XPC: variants seen among roughly 807,000 people sequenced by gnomAD.
The protein encoded by XPC is XPC complex subunit, DNA damage recognition and repair factor, also known as DNA repair protein complementing XP-C cells.
Under a neutral mutation model 95.8 loss-of-function variants are expected in XPC, and 76 were observed. The observed-to-expected ratio is 0.79, with a 90% confidence interval of 0.66 to 0.96. The LOEUF is 0.96. Among genes scored for constraint, XPC ranks in the 40% least tolerant of loss-of-function variants. The pLI is 0.00. For synonymous variants in XPC, 442 were observed against 442.1 expected, an observed-to-expected ratio of 1.00 and a Z score of 0.00; for missense variants, 1,146 against 1,179.8, an observed-to-expected ratio of 0.97 and a Z score of 0.42.
chr3:14,151,362 AG>A (rs1227663398), intron 11 of XPC: 1 of 152,316 alleles, frequency 6.6e-6, no homozygotes, highest in Admixed American at 6.5e-5. Context: ...TTTTTAATGT[AG>A]CTACTAAAAA....
chr3:14,158,679 C>T lies in XPC; in HGVS notation c.1204G>A (p.Asp402Asn). The change falls in exon 9 of 16, where the codon GAT (aspartate) becomes AAT (asparagine). Residue 402 changes from aspartate (D) to asparagine (N), a missense_variant. By Grantham distance (23) the Asp-to-Asn change is conservative (BLOSUM62 1). Coordinates refer to ENST00000285021, the MANE Select transcript of XPC (RefSeq NM_004628.5). This position sits in a 1 kb window ranked among gnomAD's most constrained non-coding sequence, Gnocchi z 5.2. ...TCCTGCTTGTCTCCTGGGCCCTCAT[C>T]TTCCTCGCTGGAGGAGGGCTTGCTC... ...KRSKPSSSEE[D>N]EGPGDKQEKA... 1.2e-6 allele frequency: 2 copies of T among 1,613,914 alleles called. No individual in the cohort carries two copies. The highest frequency in any genetic ancestry group is 3.3e-4 in the Middle Eastern group (2 of 6,062).
chr3:14,161,998 T>C (rs907078400), intron 7 of XPC, among the ~76,000 whole-genome samples: 6 of 152,148 alleles, frequency 3.9e-5, no homozygotes. Flanking sequence ...TGTGTTTCTA[T>C]ACATTTGCAA....
At chr3:14,156,908 C>T (rs1219280265) in intron 9 of XPC, among the ~76,000 whole-genome samples, 1 of 152,160 alleles carries the variant, frequency 6.6e-6, no homozygotes, top group African/African-American at 2.4e-5. Context: ...AGCAGCGGTT[C>T]TCACCCTGCG....
In XPC at chr3:14,156,187, T is replaced by G. The variant is rs985602616; in HGVS notation, c.2033+148A>C. On this transcript the variant is annotated intron_variant, in intron 10 of 15. Transcript: ENST00000285021. ...TTCAAATTTTCTTCTCTCCTACACA[T>G]CACACACACACAGCACACGCACACT... The G allele has an allele frequency of 1.0e-5, 10 of 962,736 alleles. No individual in the cohort carries two copies. The African/African-American group carries it at 1.7e-4, about 16-fold the overall frequency. The allele number at this position is 962,736 out of a possible 1,614,324, so 59.6% of individuals were successfully genotyped here.
chr3:14,145,533 C>T lies in XPC; in HGVS notation c.*408G>A, dbSNP rs1371996395. 2.9e-6 allele frequency: 2 copies of T among 700,168 alleles called. No homozygotes were observed. The highest frequency in any genetic ancestry group is 5.2e-6 in the Non-Finnish European group (2 of 384,724). The allele number at this position is 700,168 out of a possible 1,614,324, so 43.4% of individuals were successfully genotyped here. On this transcript the variant is annotated 3_prime_UTR_variant, in exon 16 of 16. Coordinates refer to ENST00000285021, the MANE Select transcript of XPC (RefSeq NM_004628.5). ...CTTGTCGGACAGATGAAGACTCTAACTGGAAGAAACGATCAGCGCATTCAC... is the reference window on the plus strand; with the variant it reads ...CTTGTCGGACAGATGAAGACTCTAATTGGAAGAAACGATCAGCGCATTCAC...
At chr3:14,147,797 A>T in intron 14 of XPC, 111 bp downstream of exon 14, 1 of 945,084 alleles carries the variant, frequency 1.1e-6, no homozygotes, top group Non-Finnish European at 1.6e-6. Context: ...GATGTCAGAG[A>T]GGGCTGGGAA....
intron 2 of XPC, among the ~76,000 whole-genome samples, chr3:14,171,831 C>CGGGGATGGGGA (rs1559383855): frequency 2.0e-5 from 3 of 151,950 alleles, no homozygotes; most frequent in African/African-American, 7.2e-5. Flanking sequence ...AAGGACGGGA[C>CGGGGATGGGGA]CGGGATGGGG....
At position 14,156,451 on chromosome 3, in the gene XPC, G is replaced by T; in HGVS notation, c.1917C>A (p.Gly639=). The T allele has an allele frequency of 1.2e-6, 2 of 1,614,014 alleles. No homozygotes were observed. The highest frequency in any genetic ancestry group is 1.7e-6 in the Non-Finnish European group (2 of 1,179,880). Residue 639 remains glycine (G), a synonymous_variant, in exon 10 of 16, where the codon GGC becomes GGA. Coordinates refer to ENST00000285021, the MANE Select transcript of XPC (RefSeq NM_004628.5). The part of the protein sequence containing the change: ...HMDQPLPTAI[G]LYKNHPLYAL... ...CATACAGAGGGTGGTTCTTATATAA[G>T]CCAATGGCAGTGGGCAAAGGCTGGT...
At chr3:14,166,943 T>G (rs1696403521) in intron 5 of XPC, among the ~76,000 whole-genome samples, 1 of 152,228 alleles carries the variant, frequency 6.6e-6, no homozygotes, top group African/African-American at 2.4e-5. Flanking sequence ...TAGCCTCTGC[T>G]GCATGCCAGG....
rs191857646 is a variant in XPC at position 14,173,192 on chromosome 3, C to A, written c.104-130G>T. On this transcript the variant is annotated intron_variant, in intron 1 of 15. Coordinates refer to ENST00000285021, the MANE Select transcript of XPC (RefSeq NM_004628.5). ...CCATCTCCATCACTGGTTCACCATC[C>A]CCTGTCTGGTCAGCAACCAGCTCTC... 16 of 880,542 alleles carry A rather than the reference C, an allele frequency of 1.8e-5. No homozygotes were observed. In the African/African-American group the frequency reaches 2.6e-4, roughly 14 times the overall value. The allele number at this position is 880,542 out of a possible 1,614,324, so 54.5% of individuals were successfully genotyped here.
At chr3:14,165,845 A>G in intron 5 of XPC, 1 of 427,804 alleles carries the variant, frequency 2.3e-6, no homozygotes, top group Non-Finnish European at 4.3e-6. Context: ...TTCAAAATAC[A>G]AACTGTTTTT....
At chr3:14,171,237 T>TGGTAC (rs1278776878) in intron 2 of XPC, among the ~76,000 whole-genome samples, 1 of 152,232 alleles carries the variant, frequency 6.6e-6, no homozygotes, top group East Asian at 1.9e-4. Context: ...CTTTGGCACT[T>TGGTAC]GGTACCAAGT....
rs1372181002 is a variant in XPC at position 14,148,897 on chromosome 3, G to T, written c.2167C>A (p.Gln723Lys). 6.2e-7 allele frequency: 1 copy of T among 1,614,006 alleles called. No individual in the cohort carries two copies. Among genetic ancestry groups the T allele is most frequent in the African/African-American group, 1.3e-5 (1 of 75,050 alleles). The change falls in exon 12 of 16, where the codon CAG becomes AAG. Residue 723 changes from glutamine (Q) to lysine (K), a missense_variant. Physicochemically the swap from Gln to Lys is moderately conservative, Grantham distance 53. Coordinates refer to ENST00000285021, the MANE Select transcript of XPC (RefSeq NM_004628.5). ...CCCAGGTCATTTTCTTCCCGCAGCT[G>T]GGGCTCAGCAAGTCGGGCTTTCCGA... ...RARKARLAEP[Q>K]LREENDLGLF...
In XPC at chr3:14,147,200, C is replaced by A. The variant is rs2733533; in HGVS notation, c.2604+90G>T. 0.45 allele frequency: 601,198 copies of A among 1,340,712 alleles called. 140,552 individuals carry two copies. Among genetic ancestry groups the A allele is most frequent in the Non-Finnish European group, 0.48 (463,399 of 965,988 alleles). 83.1% of individuals were successfully genotyped at this position (1,340,712 alleles called of 1,614,324 possible). A position where few individuals can be genotyped will look rare whatever the true frequency, so the allele number is the denominator to read the frequency against. ...ACACAAAGCTATCCCTGACTTGAGG[C>A]TGGGGCAGAATCTGGGCCAGGCCTT... On this transcript the variant is annotated intron_variant, in intron 15 of 15. Transcript: ENST00000285021.
chr3:14,162,853 T>C lies in XPC; in HGVS notation c.900+1960A>G, dbSNP rs1696216116. Reference sequence around the variant, plus strand: ...GCAACCTACAAAATGGGAGAAACCATGTGGAAAGCATGTATCTGATAGGTA... The same window carrying C: ...GCAACCTACAAAATGGGAGAAACCACGTGGAAAGCATGTATCTGATAGGTA... On this transcript the variant is annotated intron_variant, in intron 7 of 15. Coordinates refer to ENST00000285021, the MANE Select transcript of XPC (RefSeq NM_004628.5). Among the ~76,000 whole-genome samples, 2 of 152,168 alleles carry C rather than the reference T, an allele frequency of 1.3e-5. 1 individual carries two copies. The highest frequency in any genetic ancestry group is 4.1e-4 in the South Asian group (2 of 4,822).
intron 4 of XPC, 74 bp downstream of exon 4, chr3:14,168,183 T>C: frequency 6.6e-7 from 1 of 1,506,934 alleles, no homozygotes; most frequent in Non-Finnish European, 8.8e-7. Context: ...TACAAGTTTC[T>C]CCAAAGTCCT....
chr3:14,161,792 T>C (rs1022241856), intron 7 of XPC, among the ~76,000 whole-genome samples: 1 of 151,310 alleles, frequency 6.6e-6, no homozygotes. Flanking sequence ...TTATTCAACA[T>C]TGTACTTGAA....
chr3:14,156,607 T>C, intron 9 of XPC, 112 bp from the exon 10 acceptor site: 1 of 1,443,812 alleles, frequency 6.9e-7, no homozygotes, highest in Non-Finnish European at 9.6e-7. Context: ...GGAGCCAAGG[T>C]TTCATGAACA....
chr3:14,145,151 G>A lies in XPC; in HGVS notation c.*790C>T. On this transcript the variant is annotated 3_prime_UTR_variant, in exon 16 of 16. Transcript: ENST00000285021. The stretch of plus-strand genomic sequence containing the variant: ...AAGAAAATATAGAGCCAAATCTTTA[G>A]ATAAATGCTTTATTATTTTCTCAAA... 4.0e-6 allele frequency: 2 copies of A among 498,680 alleles called. No individual in the cohort carries two copies. The highest frequency in any genetic ancestry group is 3.7e-5 in the Admixed American group (1 of 27,210). The allele number at this position is 498,680 out of a possible 1,614,324, so 30.9% of individuals were successfully genotyped here. A position where few individuals can be genotyped will look rare whatever the true frequency, so the allele number is the denominator to read the frequency against.
Sources: allele counts gnomAD v4.1 joint callset (sites outside exome capture counted in the v4.1 genomes callset), GRCh38; gene constraint gnomAD v4.1.1; non-coding constraint Gnocchi (gnomAD v3.1); transcripts MANE v1.5; gene names NCBI Gene and HGNC (gene_info 2026-07-23, HGNC 2026-07-21).